TMC1: variants seen among roughly 807,000 people sequenced by gnomAD.
The protein encoded by TMC1 is transmembrane channel like 1, also known as transmembrane channel-like protein 1.
A neutral mutation model predicts 105.8 loss-of-function variants in TMC1; 84 were observed. The ratio of observed to expected loss-of-function variants is 0.79; its 90% confidence interval spans 0.67 to 0.95. The LOEUF (loss-of-function observed/expected upper bound fraction) is 0.95. Ranked by LOEUF, TMC1 falls within the 40% of genes least tolerant of loss-of-function variation. The pLI is 0.00. For synonymous variants in TMC1, 315 were observed against 311.5 expected (o/e 1.01, Z -0.12); for missense variants, 817 against 914.1 (o/e 0.89, Z 1.37).
At chr9:72,613,799 A>G (rs1006441929) in intron 2 of TMC1, among the ~76,000 whole-genome samples, 1 of 152,040 alleles carries the variant, frequency 6.6e-6, no homozygotes, top group African/African-American at 2.4e-5. Flanking sequence ...AGACAGGATT[A>G]ACGAAAGTCT....
At chr9:72,649,001 G>A (rs1825759312) in intron 5 of TMC1, among the ~76,000 whole-genome samples, 1 of 152,194 alleles carries the variant, frequency 6.6e-6, no homozygotes, top group Non-Finnish European at 1.5e-5. Context: ...CCACAGCAGT[G>A]ACCTATTGTC....
At chr9:72,697,970 G>A (rs1445047731) in intron 7 of TMC1, among the ~76,000 whole-genome samples, 1 of 151,764 alleles carries the variant, frequency 6.6e-6, no homozygotes, top group Non-Finnish European at 1.5e-5. Context: ...GGAAACAATT[G>A]TGATCATTTT....
chr9:72,698,715 C>T (rs1826592265), intron 7 of TMC1, among the ~76,000 whole-genome samples: 1 of 152,098 alleles, frequency 6.6e-6, no homozygotes, highest in Non-Finnish European at 1.5e-5. Context: ...AGGGTTGAAA[C>T]GAAAACACTG....
chr9:72,611,241 A>G (rs967671744), intron 2 of TMC1, among the ~76,000 whole-genome samples: 1 of 152,210 alleles, frequency 6.6e-6, no homozygotes, highest in African/African-American at 2.4e-5. Flanking sequence ...CTTTCCTTCA[A>G]TTAGAAGCAC....
chr9:72,803,979 A>G (rs1442216272), intron 17 of TMC1, among the ~76,000 whole-genome samples: 4 of 152,250 alleles, frequency 2.6e-5, no homozygotes, highest in Non-Finnish European at 4.4e-5. Context: ...CATGGAATCA[A>G]TCCAAATGCC....
At chr9:72,547,286 C>CAA (rs36012788) in intron 1 of TMC1, among the ~76,000 whole-genome samples, 5,714 of 114,802 alleles carry the variant, frequency 0.05, 234 homozygotes, top group Middle Eastern at 0.12. Context: ...GACTCCTTCT[C>CAA]AAAAAAAAAA....
chr9:72,569,507 A>C (rs1824231772), intron 1 of TMC1, among the ~76,000 whole-genome samples: 2 of 152,344 alleles, frequency 1.3e-5, no homozygotes, highest in South Asian at 4.1e-4. Context: ...TGTATGGATA[A>C]GAATCAGGAA....
intron 8 of TMC1, among the ~76,000 whole-genome samples, chr9:72,712,150 C>G (rs1334642381): frequency 1.3e-5 from 2 of 152,100 alleles, no homozygotes; most frequent in Non-Finnish European, 2.9e-5. Flanking sequence ...GTACCAGTAC[C>G]ATGCTGTTTT....
At chr9:72,763,924 C>T (rs187159768) in intron 12 of TMC1, among the ~76,000 whole-genome samples, 2 of 152,022 alleles carry the variant, frequency 1.3e-5, no homozygotes, top group East Asian at 1.9e-4. Flanking sequence ...AAGAATCTTT[C>T]GATATGACTA....
In TMC1 at chr9:72,700,713, C is replaced by CATATAT. The variant is rs72200654; in HGVS notation, c.362+96_362+101dup. On this transcript the variant is annotated intron_variant, in intron 8 of 23. Transcript: ENST00000297784. ...GATTTTCTAAATCCTCTGAATATTCCATATATATATATATATATATATATA... is the reference window on the plus strand; with the variant it reads ...GATTTTCTAAATCCTCTGAATATTCCATATATATATATATATATATATATATATATA... 185 of 320,956 alleles carry CATATAT rather than the reference C, an allele frequency of 5.8e-4. 1 individual carries two copies. Among genetic ancestry groups the CATATAT allele is most frequent in the African/African-American group, 3.4e-3 (120 of 34,834 alleles). 19.9% of individuals were successfully genotyped at this position (320,956 alleles called of 1,614,324 possible). A position where few individuals can be genotyped will look rare whatever the true frequency, so the allele number is the denominator to read the frequency against.
At chr9:72,589,880 T>C (rs1824608088) in intron 2 of TMC1, among the ~76,000 whole-genome samples, 1 of 151,792 alleles carries the variant, frequency 6.6e-6, no homozygotes, top group African/African-American at 2.4e-5. Context: ...TACAACTTAC[T>C]ATTACTATAT....
chr9:72,824,312 GC>G (rs1357145346), intron 20 of TMC1, among the ~76,000 whole-genome samples: 1 of 152,222 alleles, frequency 6.6e-6, no homozygotes, highest in Non-Finnish European at 1.5e-5. Context: ...TTGGCCCCTT[GC>G]CTCATCATGT....
At chr9:72,627,692 C>G (rs1335099413) in intron 3 of TMC1, among the ~76,000 whole-genome samples, 1 of 152,072 alleles carries the variant, frequency 6.6e-6, no homozygotes, top group Non-Finnish European at 1.5e-5. Flanking sequence ...CAGACAGAAA[C>G]GCAATTAACA....
At chr9:72,699,076 G>A (rs763154119) in intron 7 of TMC1, among the ~76,000 whole-genome samples, 14 of 152,178 alleles carry the variant, frequency 9.2e-5, no homozygotes, top group Non-Finnish European at 1.8e-4. Flanking sequence ...ATATTAAAGT[G>A]TAGGAGGGTG....
chr9:72,774,953 T>A (rs954988465), intron 13 of TMC1, among the ~76,000 whole-genome samples: 12 of 152,210 alleles, frequency 7.9e-5, no homozygotes, highest in Admixed American at 6.5e-4. Context: ...CTAGGCTACA[T>A]CAAGATTTTT....
chr9:72,748,859 T>C (rs2118045969), intron 10 of TMC1, among the ~76,000 whole-genome samples: 1 of 152,358 alleles, frequency 6.6e-6, no homozygotes, highest in South Asian at 2.1e-4. Context: ...GGAAGAAACT[T>C]TGTCTTCTGG....
At position 72,707,008 on chromosome 9, in the gene TMC1, C is replaced by T. The variant is rs141995998; in HGVS notation, c.362+6365C>T. ...CAGGCTGGTCTTGAACTCCTGACTTCGGGTGATCTGCCCACCTTGGCCTCC... is the reference window on the plus strand; with the variant it reads ...CAGGCTGGTCTTGAACTCCTGACTTTGGGTGATCTGCCCACCTTGGCCTCC... On this transcript the variant is annotated intron_variant, in intron 8 of 23. Transcript: ENST00000297784. Among the ~76,000 whole-genome samples the T allele has an allele frequency of 1.4e-3, 208 of 152,264 alleles. 1 individual carries two copies. Among genetic ancestry groups the T allele is most frequent in the African/African-American group, 4.7e-3 (196 of 41,556 alleles).
intron 5 of TMC1, among the ~76,000 whole-genome samples, chr9:72,660,265 C>G (rs1383826304): frequency 6.6e-6 from 1 of 152,074 alleles, no homozygotes; most frequent in South Asian, 2.1e-4. Flanking sequence ...GTTAAATTTG[C>G]AACTAGCTTG....
intron 1 of TMC1, among the ~76,000 whole-genome samples, chr9:72,528,966 G>A (rs1369457796): frequency 6.7e-6 from 1 of 149,376 alleles, no homozygotes; most frequent in African/African-American, 2.5e-5. Flanking sequence ...TTTTTTTTTT[G>A]TATATTTCCT....
Sources: allele counts gnomAD v4.1 joint callset (sites outside exome capture counted in the v4.1 genomes callset), GRCh38; gene constraint gnomAD v4.1.1; transcripts MANE v1.5; gene names NCBI Gene and HGNC (gene_info 2026-07-23, HGNC 2026-07-21).